MEI4: variants seen among roughly 807,000 people sequenced by gnomAD.
MEI4 encodes meiosis-specific protein MEI4.
In MEI4, 27 loss-of-function variants were observed where a neutral mutation model predicts 31.4. The observed-to-expected ratio is 0.86, with a 90% CI of 0.63 to 1.19. The LOEUF is 1.19. MEI4 is among the 50% of genes most tolerant of loss of function. The probability of loss-of-function intolerance (pLI) is 0.00; values close to 1 mark genes in which losing one functional copy is unlikely to be tolerated. For synonymous variants in MEI4, 122 were observed against 145.4 expected, an observed-to-expected ratio of 0.84 and a Z score of 1.16; for missense variants, 329 against 398.9, an observed-to-expected ratio of 0.82 and a Z score of 1.49.
chr6:77,731,024 T>C (rs1258584394), intron 2 of MEI4, among the ~76,000 whole-genome samples: 1 of 151,190 alleles, frequency 6.6e-6, no homozygotes, highest in East Asian at 1.9e-4. Context: ...ATCCAGTCTA[T>C]TGTTGTTGGA....
chr6:77,815,972 G>A (rs972436706), intron 3 of MEI4, among the ~76,000 whole-genome samples: 1 of 151,362 alleles, frequency 6.6e-6, no homozygotes, highest in East Asian at 1.9e-4. Flanking sequence ...TATAGGCAGA[G>A]CCAATTTTTT....
At chr6:77,715,806 A>G (rs1766567658) in intron 2 of MEI4, among the ~76,000 whole-genome samples, 1 of 152,156 alleles carries the variant, frequency 6.6e-6, no homozygotes, top group African/African-American at 2.4e-5. Flanking sequence ...TCACGTGATG[A>G]GTTATTATGT....
At chr6:77,777,436 G>T (rs969773) in intron 3 of MEI4, among the ~76,000 whole-genome samples, 126,594 of 152,176 alleles carry the variant, frequency 0.83, 53,144 homozygotes, top group East Asian at 0.95. Context: ...CTGAAGCCCC[G>T]CTTCTGCCTC....
chr6:77,732,670 T>C (rs554207997), intron 2 of MEI4, among the ~76,000 whole-genome samples: 1 of 152,166 alleles, frequency 6.6e-6, no homozygotes, highest in South Asian at 2.1e-4. Flanking sequence ...CTATGTTGAA[T>C]AGGAGTGGTG....
intron 4 of MEI4, among the ~76,000 whole-genome samples, chr6:77,864,079 A>G (rs1323345584): frequency 6.7e-4 from 99 of 147,646 alleles, no homozygotes; most frequent in South Asian, 1.3e-3. Flanking sequence ...TCCTGAAGGA[A>G]GCACTAAACA....
chr6:77,658,099 C>T lies in MEI4; in HGVS notation c.-15+5007C>T, dbSNP rs377727971. 1.2e-4 allele frequency among the ~76,000 whole-genome samples: 19 copies of T among 152,250 alleles called. 1 individual carries two copies. Among genetic ancestry groups the T allele is most frequent in the Admixed American group, 4.6e-4 (7 of 15,284 alleles). On this transcript the variant is annotated intron_variant, in intron 1 of 4. Coordinates refer to ENST00000684080, the MANE Select transcript of MEI4 (RefSeq NM_001322247.2). Reference sequence around the variant, plus strand: ...GCTGTTTATTTCACCTGGGTGCAGGCGGGCTGAGTCCGAAAAGAGAGTCAG... The same window carrying T: ...GCTGTTTATTTCACCTGGGTGCAGGTGGGCTGAGTCCGAAAAGAGAGTCAG...
At chr6:77,793,379 A>G (rs568679769) in intron 3 of MEI4, among the ~76,000 whole-genome samples, 4 of 152,356 alleles carry the variant, frequency 2.6e-5, no homozygotes, top group African/African-American at 9.6e-5. Flanking sequence ...CTGTCTTACA[A>G]GAAATGCTAT....
At chr6:77,710,016 A>T (rs1317119984) in intron 2 of MEI4, among the ~76,000 whole-genome samples, 1 of 152,110 alleles carries the variant, frequency 6.6e-6, no homozygotes, top group Non-Finnish European at 1.5e-5. Flanking sequence ...AGGGTGAGAG[A>T]TACAGTGGGG....
intron 3 of MEI4, among the ~76,000 whole-genome samples, chr6:77,786,109 T>C (rs1408436710): frequency 6.6e-6 from 1 of 152,118 alleles, no homozygotes; most frequent in African/African-American, 2.4e-5. Context: ...AATTATGGAA[T>C]GGGAATTATT....
At chr6:77,785,167 T>A (rs1265932109) in intron 3 of MEI4, among the ~76,000 whole-genome samples, 1 of 152,188 alleles carries the variant, frequency 6.6e-6, no homozygotes, top group Non-Finnish European at 1.5e-5. Context: ...CTGCATTTTA[T>A]CTTTTGAAAA....
At position 77,762,261 on chromosome 6, in the gene MEI4, A is replaced by T. The variant is rs139306388; in HGVS notation, c.768+596A>T. On this transcript the variant is annotated intron_variant, in intron 3 of 4. Coordinates refer to ENST00000684080, the MANE Select transcript of MEI4 (RefSeq NM_001322247.2). ...ATAATATAAAGCTTTATTATGTTTT[A>T]TTTCCTTACTTATTTATTTATTTAA... Among the ~76,000 whole-genome samples, 213 of 152,262 alleles carry T rather than the reference A, an allele frequency of 1.4e-3. 1 individual carries two copies. Among genetic ancestry groups the T allele is most frequent in the African/African-American group, 4.5e-3 (187 of 41,550 alleles).
intron 2 of MEI4, among the ~76,000 whole-genome samples, chr6:77,735,617 G>T (rs774054637): frequency 3.3e-5 from 5 of 152,034 alleles, no homozygotes; most frequent in Admixed American, 6.5e-5. Flanking sequence ...ATTGTCTGAA[G>T]CCTTCTTCTC....
At chr6:77,730,932 C>T (rs1766969820) in intron 2 of MEI4, among the ~76,000 whole-genome samples, 1 of 151,732 alleles carries the variant, frequency 6.6e-6, no homozygotes, top group Admixed American at 6.6e-5. Flanking sequence ...CCAATTTCAT[C>T]CATGTCCCTA....
At position 77,883,742 on chromosome 6, in the gene MEI4, A is replaced by ATATATATATATATATG. The variant is rs922153293; in HGVS notation, c.901-39345_901-39344insTATATATATATATGTA. On this transcript the variant is annotated intron_variant, in intron 4 of 4. Coordinates refer to ENST00000684080, the MANE Select transcript of MEI4 (RefSeq NM_001322247.2). ...GATATATATATATATATATATATATATAACTTTGTCTTTGTCTATTCATTT... is the reference window on the plus strand; with the variant it reads ...GATATATATATATATATATATATATATATATATATATATATGTAACTTTGTCTTTGTCTATTCATTT... Among the ~76,000 whole-genome samples the ATATATATATATATATG allele has an allele frequency of 5.7e-5, 8 of 139,862 alleles. 1 individual carries two copies. Among genetic ancestry groups the ATATATATATATATATG allele is most frequent in the African/African-American group, 2.2e-4 (8 of 35,926 alleles). The allele number at this position is 139,862 out of a possible 152,430, so 91.8% of individuals were successfully genotyped here.
chr6:77,697,010 G>T (rs552162659), intron 2 of MEI4, among the ~76,000 whole-genome samples: 9 of 152,136 alleles, frequency 5.9e-5, no homozygotes, highest in East Asian at 3.9e-4. Flanking sequence ...TGTATGTGTC[G>T]AGGAATTTAT....
intron 2 of MEI4, among the ~76,000 whole-genome samples, chr6:77,753,802 G>A (rs1038108655): frequency 3.3e-5 from 5 of 152,134 alleles, no homozygotes; most frequent in Non-Finnish European, 7.4e-5. Flanking sequence ...ACATGCACAC[G>A]TATGTTTGTT....
intron 4 of MEI4, among the ~76,000 whole-genome samples, chr6:77,839,566 G>T (rs930785794): frequency 3.9e-5 from 6 of 152,068 alleles, no homozygotes; most frequent in Admixed American, 2.6e-4. Context: ...AAACCGCTGT[G>T]TATAACCCAG....
At chr6:77,917,880 C>T (rs377134675) in intron 4 of MEI4, among the ~76,000 whole-genome samples, 3 of 147,598 alleles carry the variant, frequency 2.0e-5, no homozygotes, top group Admixed American at 6.8e-5. Context: ...AGGTTTTCTT[C>T]TAGGGTTTTT....
chr6:77,902,971 A>G (rs1383334615), intron 4 of MEI4, among the ~76,000 whole-genome samples: 1 of 152,082 alleles, frequency 6.6e-6, no homozygotes, highest in East Asian at 1.9e-4. Flanking sequence ...TAAACTTTCT[A>G]AATTAACTGA....
Sources: allele counts gnomAD v4.1 joint callset (sites outside exome capture counted in the v4.1 genomes callset), GRCh38; gene constraint gnomAD v4.1.1; transcripts MANE v1.5; gene names NCBI Gene and HGNC (gene_info 2026-07-23, HGNC 2026-07-21).